Variants in ARX observed in about 807,000 individuals in gnomAD.
ARX encodes homeobox protein ARX.
Under a neutral mutation model 23.1 loss-of-function variants are expected in ARX, and 1 was observed. That is an observed-to-expected ratio of 0.04 (90% CI 0.02 to 0.21). The LOEUF (loss-of-function observed/expected upper bound fraction) is 0.21, where lower values mean the gene tolerates loss of function less well. Ranked by LOEUF, ARX falls within the 10% of genes least tolerant of loss-of-function variation. The pLI is 1.00. For synonymous variants in ARX, 301 were observed against 270.1 expected (o/e 1.11, Z -1.12); for missense variants, 380 against 527.5 (o/e 0.72, Z 2.74).
rs375420492 is a variant in ARX at position 25,006,939 on chromosome X, AT to A, written c.1448+171del. On this transcript the variant is annotated intron_variant, in intron 4 of 4. Transcript: ENST00000379044. ...CCAAGTCAATACCTTCAAGACCCAC[AT>A]TTTTTTTTTTGAGGCTCAATTAGAG... Among the ~76,000 whole-genome samples the A allele has an allele frequency of 5.3e-3, 522 of 98,903 alleles. 2 individuals are homozygous for A. Among genetic ancestry groups the A allele is most frequent in the African/African-American group, 0.018 (480 of 27,264 alleles). The allele number at this position is 98,903 out of a possible 115,157, so 85.9% of individuals were successfully genotyped here. A position where few individuals can be genotyped will look rare whatever the true frequency, so the allele number is the denominator to read the frequency against.
Position 25,013,662 on chromosome X carries a change from C to T in ARX, c.333G>A (p.Ala111=). Residue 111 remains alanine (A), a synonymous_variant, in exon 2 of 5, where the codon GCG becomes GCA. Transcript: ENST00000379044. ...CCGCCGTGGCCGTGGCGGCCGCTGCCGCCGCCGCCGCCGCCGCCGCCGCCG... is the reference window on the plus strand; with the variant it reads ...CCGCCGTGGCCGTGGCGGCCGCTGCTGCCGCCGCCGCCGCCGCCGCCGCCG... The part of the protein sequence containing the change: ...AAAAAAAAAA[A]AAAATATAGP... 1.4e-6 allele frequency: 1 copy of T among 740,197 alleles called. No homozygotes were observed. The highest frequency in any genetic ancestry group is 1.6e-6 in the Non-Finnish European group (1 of 626,114). The allele number at this position is 740,197 out of a possible 1,213,427, so 61.0% of individuals were successfully genotyped here.
intron 2 of ARX, 81 bp from the exon 3 acceptor site, chrX:25,010,386 G>A (rs2048697391): frequency 7.2e-6 from 8 of 1,112,676 alleles, no homozygotes; most frequent in Non-Finnish European, 9.8e-6. Context: ...TCTATGGCAG[G>A]CCTACTCCAC....
chrX:25,012,808 A>C, intron 2 of ARX, 114 bp downstream of exon 2: 1 of 1,141,731 alleles, frequency 8.8e-7, no homozygotes, highest in Non-Finnish European at 1.2e-6. Context: ...TCTTCCACAG[A>C]GTCCAGGAGC....
chrX:25,008,681 CAG>C (rs1412938159), intron 3 of ARX, among the ~76,000 whole-genome samples: 2 of 112,127 alleles, frequency 1.8e-5, no homozygotes, highest in Non-Finnish European at 3.8e-5. Context: ...CAGGGCTATA[CAG>C]AGTTATATTA....
chrX:25,010,539 A>G (rs2048698002), intron 2 of ARX, among the ~76,000 whole-genome samples: 1 of 110,900 alleles, frequency 9.0e-6, no homozygotes, highest in African/African-American at 3.3e-5. Flanking sequence ...CTATTATATC[A>G]TACTACATTC....
rs781604708 is a variant in ARX, at chrX:25,011,519, C to T, written c.1074-1214G>A. On this transcript the variant is annotated intron_variant, in intron 2 of 4. Coordinates refer to ENST00000379044, the MANE Select transcript of ARX (RefSeq NM_139058.3). ...TTTGGAAATACACACGTACGATAAA[C>T]GCAAAACGCTGGTCGGCCAATTCGC... Among the ~76,000 whole-genome samples, 188 of 113,233 alleles carry T rather than the reference C, an allele frequency of 1.7e-3. 3 individuals are homozygous for T. The highest frequency in any genetic ancestry group is 2.2e-3 in the Non-Finnish European group (120 of 53,425).
Position 25,004,649 on chromosome X carries a change from C to A in ARX, c.*21G>T. ...GTGACCTTTCGGGGCGCGCGCGGGG[C>A]GCGGGTGTGGAGGGCAGCCTTTAGC... On this transcript the variant is annotated 3_prime_UTR_variant, in exon 5 of 5. Coordinates refer to ENST00000379044, the MANE Select transcript of ARX (RefSeq NM_139058.3). The A allele has an allele frequency of 8.6e-7, 1 of 1,164,126 alleles. No individual in the cohort carries two copies. The highest frequency in any genetic ancestry group is 1.9e-5 in the South Asian group (1 of 52,597).
At chrX:25,006,373 C>T (rs939810273) in intron 4 of ARX, among the ~76,000 whole-genome samples, 2 of 112,644 alleles carry the variant, frequency 1.8e-5, no homozygotes, top group Non-Finnish European at 1.9e-5. Context: ...TTTCTTTGTT[C>T]TCCCAAAGAG....
In ARX at chrX:25,013,543, G is replaced by C. The variant is rs1439646032; in HGVS notation, c.452C>G (p.Ala151Gly). Residue 151 changes from alanine (A) to glycine (G), a missense_variant, in exon 2 of 5, where the codon GCG becomes GGG. Around this residue, in one of 3 missense-constraint regions of ARX, gnomAD observed 235 missense variants for 270.2 expected, o/e 0.87. Transcript: ENST00000379044. Reference sequence around the variant, plus strand: ...GAGCGTGTCCCAGGCCGCGGCGGCCGCGGCCGCGGCTGCCGCGGCGGCCCC... The same window carrying C: ...GAGCGTGTCCCAGGCCGCGGCGGCCCCGGCCGCGGCTGCCGCGGCGGCCCC... ...GAGAAAAAAA[A>G]AAAAWDTLKI... 2 of 797,568 alleles carry C rather than the reference G, an allele frequency of 2.5e-6. No individual in the cohort carries two copies. The highest frequency in any genetic ancestry group is 1.5e-6 in the Non-Finnish European group (1 of 671,285). 65.7% of individuals were successfully genotyped at this position (797,568 alleles called of 1,213,427 possible).
chrX:25,012,346 G>A (rs1026541940), intron 2 of ARX, among the ~76,000 whole-genome samples: 2 of 112,823 alleles, frequency 1.8e-5, no homozygotes, highest in Non-Finnish European at 3.8e-5. Context: ...GTCCTGAAAC[G>A]ACAGAACTCG....
Position 25,015,793 on chromosome X carries a change from G to C in ARX, c.-56C>G. 9.0e-7 allele frequency: 1 copy of C among 1,106,842 alleles called. No homozygotes were observed. The highest frequency in any genetic ancestry group is 1.8e-5 in the African/African-American group (1 of 55,357). The allele number at this position is 1,106,842 out of a possible 1,213,427, so 91.2% of individuals were successfully genotyped here. On this transcript the variant is annotated 5_prime_UTR_variant, in exon 1 of 5. Transcript: ENST00000379044. Reference sequence around the variant, plus strand: ...CGGATCGCCGGCTGCCTCTCCCGGAGGGTGGGATGGATGGGTGTGTGTTGG... The same window carrying C: ...CGGATCGCCGGCTGCCTCTCCCGGACGGTGGGATGGATGGGTGTGTGTTGG...
chrX:25,009,624 G>A (rs1199954658), intron 3 of ARX, among the ~76,000 whole-genome samples: 1 of 111,463 alleles, frequency 9.0e-6, no homozygotes, highest in Non-Finnish European at 1.9e-5. Context: ...ATGAGGCCTG[G>A]GTTCGGAAAT....
chrX:25,012,842 GC>G, intron 2 of ARX, 79 bp downstream of exon 2: 1 of 1,166,021 alleles, frequency 8.6e-7, no homozygotes, highest in Non-Finnish European at 1.1e-6. Flanking sequence ...CGAGGCCGGG[GC>G]CCCTGCCAGC....
rs774240160 is a variant in ARX at position 25,013,084 on chromosome X, C to A, written c.911G>T (p.Gly304Val). 5.0e-6 allele frequency: 6 copies of A among 1,202,268 alleles called. No individual in the cohort carries two copies. The highest frequency in any genetic ancestry group is 4.5e-6 in the Non-Finnish European group (4 of 891,049). Residue 304 changes from glycine (G) to valine (V), a missense_variant, in exon 2 of 5, where the codon GGC becomes GTC. Transcript: ENST00000379044. Reference protein sequence around the residue: ...ELLLHPEDAEGKDGEDSVCLS... With the variant: ...ELLLHPEDAEVKDGEDSVCLS... Reference sequence around the variant, plus strand: ...GCACACGCTGTCCTCGCCGTCCTTGCCCTCAGCGTCTTCCGGGTGCAGCAG... The same window carrying A: ...GCACACGCTGTCCTCGCCGTCCTTGACCTCAGCGTCTTCCGGGTGCAGCAG...
Position 25,009,760 on chromosome X carries a change from G to A in ARX, c.1119+500C>T, listed in dbSNP as rs181778801. 1.1e-4 allele frequency among the ~76,000 whole-genome samples: 12 copies of A among 111,972 alleles called. No individual in the cohort carries two copies. In the East Asian group the frequency reaches 3.1e-3, roughly 29 times the overall value. On this transcript the variant is annotated intron_variant, in intron 3 of 4. Coordinates refer to ENST00000379044, the MANE Select transcript of ARX (RefSeq NM_139058.3). ...CATTAGCCAGCTCCTTGTGCGGGGC[G>A]GAGGGGAAATCAAACAGCATTTTGC...
intron 1 of ARX, among the ~76,000 whole-genome samples, chrX:25,015,038 C>A (rs1228422061): frequency 2.7e-5 from 3 of 112,331 alleles, no homozygotes; most frequent in Non-Finnish European, 5.6e-5. Flanking sequence ...AAGATGTTTT[C>A]TGCAAAGCTT....
chrX:25,011,879 G>T (rs2048703848), intron 2 of ARX, among the ~76,000 whole-genome samples: 2 of 112,972 alleles, frequency 1.8e-5, no homozygotes, highest in Admixed American at 1.9e-4. Context: ...CAAGCCCCGC[G>T]CTAGGCAGTC....
At chrX:25,009,341 T>C in intron 3 of ARX, among the ~76,000 whole-genome samples, 1 of 111,851 alleles carries the variant, frequency 8.9e-6, no homozygotes, top group Middle Eastern at 4.6e-3. Context: ...TATTTAACTT[T>C]CCCACGACTT....
intron 4 of ARX, among the ~76,000 whole-genome samples, chrX:25,006,343 G>A (rs1201432307): frequency 8.9e-6 from 1 of 112,361 alleles, no homozygotes; most frequent in Non-Finnish European, 1.9e-5. Flanking sequence ...AAGCAGCTGC[G>A]CAGTTGGATG....
Sources: gnomAD v4.1 joint callset for allele counts (sites outside exome capture counted in the v4.1 genomes callset) on GRCh38, gnomAD v4.1.1 for gene constraint, gnomAD v4.1.1 regional missense constraint, MANE v1.5 for transcripts, NCBI Gene and HGNC (gene_info 2026-07-23, HGNC 2026-07-21) for gene names.